The following CTNND2 variants were observed in gnomAD, a reference collection of about 807,000 sequenced individuals.
The protein encoded by CTNND2 is catenin delta 2, also known as catenin delta-2.
Under a neutral mutation model 144.4 loss-of-function variants are expected in CTNND2, and 22 were observed. The observed-to-expected ratio is 0.15, with a 90% CI of 0.11 to 0.22. The LOEUF (loss-of-function observed/expected upper bound fraction) is 0.22. Among genes scored for constraint, CTNND2 ranks in the 10% least tolerant of loss-of-function variants. The pLI is 1.00. For synonymous variants in CTNND2, 751 were observed against 695.6 expected (o/e 1.08, Z -1.25); for missense variants, 1,353 against 1,618.8 (o/e 0.84, Z 2.82).
intron 10 of CTNND2, among the ~76,000 whole-genome samples, chr5:11,210,511 A>G (rs1320567114): frequency 6.6e-6 from 1 of 152,246 alleles, no homozygotes; most frequent in East Asian, 1.9e-4. Context: ...ATCTCCCTTG[A>G]GCATAAATAT....
At chr5:11,185,950 G>A (rs561521729) in intron 11 of CTNND2, among the ~76,000 whole-genome samples, 7 of 152,150 alleles carry the variant, frequency 4.6e-5, no homozygotes, top group Admixed American at 1.3e-4. Flanking sequence ...CTTGTAACTC[G>A]TGAGTTGCAA....
At chr5:11,362,500 G>C (rs1756568286) in intron 8 of CTNND2, among the ~76,000 whole-genome samples, 1 of 152,172 alleles carries the variant, frequency 6.6e-6, no homozygotes, top group African/African-American at 2.4e-5. Context: ...ATGCTTAGGA[G>C]CTGGAGAGAG....
chr5:11,202,374 A>G (rs1374737491), intron 10 of CTNND2, among the ~76,000 whole-genome samples: 2 of 152,220 alleles, frequency 1.3e-5, no homozygotes, highest in African/African-American at 2.4e-5. Flanking sequence ...AATTAATGCC[A>G]TATACCCAAA....
chr5:11,457,311 G>C (rs548013515), intron 3 of CTNND2, among the ~76,000 whole-genome samples: 1 of 152,086 alleles, frequency 6.6e-6, no homozygotes, highest in Non-Finnish European at 1.5e-5. Context: ...TCTGAGGGAG[G>C]AGGATTGCTT....
intron 14 of CTNND2, among the ~76,000 whole-genome samples, chr5:11,105,625 G>C (rs186042093): frequency 6.6e-6 from 1 of 152,212 alleles, no homozygotes; most frequent in Admixed American, 6.5e-5. Flanking sequence ...CTGAAACAGA[G>C]TTTTAAGTCT....
rs151248898 is a variant in CTNND2 at position 11,356,009 on chromosome 5, A to G, written c.1372+8687T>C. ...AACCGAGGAGATAAAAGGCCTTTAC[A>G]CTGAAAACTATAAAACTTCAATTAA... On this transcript the variant is annotated intron_variant, in intron 8 of 21. Coordinates refer to ENST00000304623, the MANE Select transcript of CTNND2 (RefSeq NM_001332.4). Among the ~76,000 whole-genome samples, 27 of 152,156 alleles carry G rather than the reference A, an allele frequency of 1.8e-4. 1 individual carries two copies. The East Asian group carries it at 5.2e-3, about 29-fold the overall frequency.
chr5:11,551,945 G>C (rs1365414918), intron 3 of CTNND2, among the ~76,000 whole-genome samples: 4 of 152,044 alleles, frequency 2.6e-5, no homozygotes, highest in South Asian at 2.1e-4. Context: ...GTGTTGCCCA[G>C]GCTGGTCTCG....
chr5:11,551,710 T>C (rs942169518), intron 3 of CTNND2, among the ~76,000 whole-genome samples: 1 of 152,176 alleles, frequency 6.6e-6, no homozygotes, highest in African/African-American at 2.4e-5. Flanking sequence ...GTGATTCTAC[T>C]GCCTCAGCCT....
intron 1 of CTNND2, among the ~76,000 whole-genome samples, chr5:11,844,425 C>T (rs892078124): frequency 6.6e-6 from 1 of 151,852 alleles, no homozygotes; most frequent in South Asian, 2.1e-4. Context: ...CACTGCTTGC[C>T]GGATTTTGAA....
intron 5 of CTNND2, among the ~76,000 whole-genome samples, chr5:11,399,191 TG>T (rs1249687295): frequency 6.6e-6 from 1 of 152,222 alleles, no homozygotes; most frequent in Admixed American, 6.5e-5. Flanking sequence ...CTTTCTTTTT[TG>T]TACAGTCTAC....
intron 1 of CTNND2, among the ~76,000 whole-genome samples, chr5:11,769,106 T>C (rs1156470185): frequency 2.6e-5 from 4 of 152,184 alleles, no homozygotes; most frequent in Non-Finnish European, 1.5e-5. Flanking sequence ...TGGAGAATTC[T>C]AGGCATCAGA....
intron 1 of CTNND2, among the ~76,000 whole-genome samples, chr5:11,780,101 G>A (rs1215970113): frequency 6.6e-6 from 1 of 152,156 alleles, no homozygotes; most frequent in Non-Finnish European, 1.5e-5. Flanking sequence ...GAGGAGCTGA[G>A]ACCTGAGTAT....
At position 10,973,495 on chromosome 5, in the gene CTNND2, A is replaced by G. The variant is rs551679968; in HGVS notation, c.3636T>C (p.Tyr1212=). ...GGGAGGCCGGGTAGTGGCTCGTTTC[A>G]TAGTTCAGTTCACTGTAGGGACGGG... ...SAARPYSELN[Y]ETSHYPASPD... The change falls in exon 22 of 22, where the codon TAT becomes TAC. Residue 1212 remains tyrosine, a synonymous_variant. Coordinates refer to ENST00000304623, the MANE Select transcript of CTNND2 (RefSeq NM_001332.4). The surrounding 1 kb of genome is among the most constrained non-coding windows in gnomAD (Gnocchi z 5.6). 2.5e-6 allele frequency: 4 copies of G among 1,604,902 alleles called. No homozygotes were observed. Among genetic ancestry groups the G allele is most frequent in the African/African-American group, 2.7e-5 (2 of 74,926 alleles).
chr5:11,076,295 C>T (rs901647745), intron 16 of CTNND2, among the ~76,000 whole-genome samples: 1 of 152,156 alleles, frequency 6.6e-6, no homozygotes. Context: ...TAAATGCAAG[C>T]TCATGTTATG....
intron 9 of CTNND2, among the ~76,000 whole-genome samples, chr5:11,329,136 C>T (rs1580921601): frequency 6.6e-6 from 1 of 152,220 alleles, no homozygotes; most frequent in South Asian, 2.1e-4. Flanking sequence ...ACCCTAATGG[C>T]CTCATTTTAA....
intron 1 of CTNND2, among the ~76,000 whole-genome samples, chr5:11,845,439 G>T (rs763235264): frequency 2.0e-5 from 3 of 152,128 alleles, no homozygotes; most frequent in Non-Finnish European, 4.4e-5. Context: ...TGATTAAGAT[G>T]AGGTCATACT....
chr5:11,323,090 G>A (rs1386769600), intron 9 of CTNND2, among the ~76,000 whole-genome samples: 5 of 152,128 alleles, frequency 3.3e-5, no homozygotes, highest in Non-Finnish European at 7.3e-5. Flanking sequence ...CCCGGCTTGA[G>A]TACTATGGCA....
At position 11,411,522 on chromosome 5, in the gene CTNND2, G is replaced by C. The variant is rs527658024; in HGVS notation, c.439+14C>G. ...ATTTCAACTATCTTCAAGCATAACT[G>C]CCACGTGACTTACTTTCACCTGTAG... On this transcript the variant is annotated intron_variant, in intron 5 of 21. Transcript: ENST00000304623. 1.5e-5 allele frequency: 19 copies of C among 1,309,676 alleles called. No individual in the cohort carries two copies. Among genetic ancestry groups the C allele is most frequent in the Non-Finnish European group, 1.9e-5 (17 of 908,364 alleles). 81.1% of individuals were successfully genotyped at this position (1,309,676 alleles called of 1,614,324 possible).
chr5:11,683,146 A>G lies in CTNND2; in HGVS notation c.174+48990T>C, dbSNP rs545300969. Among the ~76,000 whole-genome samples the G allele has an allele frequency of 2.6e-4, 40 of 152,306 alleles. No individual in the cohort carries two copies. In the South Asian group the frequency reaches 3.3e-3, roughly 13 times the overall value. Reference sequence around the variant, plus strand: ...ACTTCTGGGGTTTATCCATCTAACTAGTTTCTAACGCATTTTACCCTTCAC... The same window carrying G: ...ACTTCTGGGGTTTATCCATCTAACTGGTTTCTAACGCATTTTACCCTTCAC... On this transcript the variant is annotated intron_variant, in intron 2 of 21. Transcript: ENST00000304623.
Sources: allele counts gnomAD v4.1 joint callset (sites outside exome capture counted in the v4.1 genomes callset), GRCh38; gene constraint gnomAD v4.1.1; non-coding constraint Gnocchi (gnomAD v3.1); transcripts MANE v1.5; gene names NCBI Gene and HGNC (gene_info 2026-07-23, HGNC 2026-07-21).